SDK2: variants seen among roughly 807,000 people sequenced by gnomAD.
The protein encoded by SDK2 is protein sidekick-2.
Under a neutral mutation model 253.9 loss-of-function variants are expected in SDK2, and 105 were observed. The observed-to-expected ratio is 0.41, with a 90% CI of 0.35 to 0.49. The LOEUF (loss-of-function observed/expected upper bound fraction) is 0.49, where lower values mean the gene tolerates loss of function less well. SDK2 is among the 20% of genes least tolerant of loss of function. SDK2 has a pLI of 0.06. For missense variants in SDK2, 2,608 were observed against 3,003.0 expected (o/e 0.87, Z 3.07); for synonymous variants, 1,249 against 1,234.9 (o/e 1.01, Z -0.24).
chr17:73,380,970 GGGCGGGGGCGCAGA>G lies in SDK2; in HGVS notation c.4706-34_4706-21del. The G allele has an allele frequency of 7.9e-7, 1 of 1,271,242 alleles. No homozygotes were observed. Among genetic ancestry groups the G allele is most frequent in the Non-Finnish European group, 1.1e-6 (1 of 890,888 alleles). The allele number at this position is 1,271,242 out of a possible 1,614,324, so 78.7% of individuals were successfully genotyped here. A position where few individuals can be genotyped will look rare whatever the true frequency, so the allele number is the denominator to read the frequency against. ...ACATGGCTATGGGGTGGGGGTGCCG[GGGCGGGGGCGCAGA>G]GGGAGACAGCAGACAGAGGAGGTTA... On this transcript the variant is annotated intron_variant, in intron 33 of 44. Coordinates refer to ENST00000392650, the MANE Select transcript of SDK2 (RefSeq NM_001144952.2).
At chr17:73,557,770 T>G (rs2045167355) in intron 1 of SDK2, among the ~76,000 whole-genome samples, 1 of 152,164 alleles carries the variant, frequency 6.6e-6, no homozygotes, top group Non-Finnish European at 1.5e-5. Flanking sequence ...GAACCCAAAG[T>G]GTCAAAGCCC....
chr17:73,460,144 C>T (rs35858002), intron 3 of SDK2, among the ~76,000 whole-genome samples: 55,859 of 152,028 alleles, frequency 0.37, 10,563 homozygotes, highest in East Asian at 0.6. Context: ...GTCATCGAAA[C>T]GATACAGCTG....
At position 73,395,922 on chromosome 17, in the gene SDK2, C is replaced by CT. The variant is rs371190241; in HGVS notation, c.3355-531dup. Among the ~76,000 whole-genome samples, 4,778 of 144,418 alleles carry CT rather than the reference C, an allele frequency of 0.033. 245 individuals carry two copies. Among genetic ancestry groups the CT allele is most frequent in the African/African-American group, 0.12 (4,431 of 38,366 alleles). The allele number at this position is 144,418 out of a possible 152,430, so 94.7% of individuals were successfully genotyped here. A position where few individuals can be genotyped will look rare whatever the true frequency, so the allele number is the denominator to read the frequency against. On this transcript the variant is annotated intron_variant, in intron 24 of 44. Transcript: ENST00000392650. The surrounding 1 kb of genome is among the most constrained non-coding windows in gnomAD (Gnocchi z 4.3). ...GCATTTTCAGCCTCCTTTTTCTTTT[C>CT]TTTTTTTTTTTTAAGACAGGGTCTG...
chr17:73,404,773 G>C (rs74393201), intron 18 of SDK2, among the ~76,000 whole-genome samples: 7,130 of 152,254 alleles, frequency 0.047, 237 homozygotes, highest in East Asian at 0.093. Flanking sequence ...GGGCTCCCCT[G>C]AGAAGGCTCG....
rs556859617 is a variant in SDK2, at chr17:73,526,653, GTGCATATGTGTGTGTT to G, written c.65-19072_65-19057del. Among the ~76,000 whole-genome samples, 1,492 of 152,126 alleles carry G rather than the reference GTGCATATGTGTGTGTT, an allele frequency of 9.8e-3. 12 individuals carry two copies. Among genetic ancestry groups the G allele is most frequent in the Non-Finnish European group, 0.016 (1,077 of 67,980 alleles). On this transcript the variant is annotated intron_variant, in intron 1 of 44. Coordinates refer to ENST00000392650, the MANE Select transcript of SDK2 (RefSeq NM_001144952.2). ...TAGGTGTGTGTGTGCATGTGTATGT[GTGCATATGTGTGTGTT>G]TGCATATGTGTGTGTTTGTGTGCAT... is the stretch of plus-strand genomic sequence containing the variant.
intron 2 of SDK2, among the ~76,000 whole-genome samples, chr17:73,483,101 C>T (rs555880802): frequency 5.3e-5 from 8 of 152,098 alleles, no homozygotes; most frequent in East Asian, 1.9e-4. Context: ...CGCCCTGACC[C>T]GTCCTGGGGC....
intron 29 of SDK2, 147 bp from the exon 30 acceptor site, chr17:73,388,184 C>T (rs574574996): frequency 3.1e-6 from 2 of 638,340 alleles, no homozygotes; most frequent in South Asian, 3.7e-5. Flanking sequence ...AGGATCCTTG[C>T]AGGTTCTCAC....
chr17:73,348,394 G>A lies in SDK2; in HGVS notation c.6165+205C>T, dbSNP rs2062503141. Among the ~76,000 whole-genome samples, 2 of 152,216 alleles carry A rather than the reference G, an allele frequency of 1.3e-5. 1 individual carries two copies. Among genetic ancestry groups the A allele is most frequent in the South Asian group, 4.1e-4 (2 of 4,834 alleles). ...GTACCCCCTATGATCAAGGTTCCCG[G>A]GACCCCATTGGCACTGGCCGCAAAC... On this transcript the variant is annotated intron_variant, in intron 44 of 44. Coordinates refer to ENST00000392650, the MANE Select transcript of SDK2 (RefSeq NM_001144952.2).
intron 1 of SDK2, among the ~76,000 whole-genome samples, chr17:73,525,495 T>C (rs1567822998): frequency 6.6e-6 from 1 of 152,076 alleles, no homozygotes. Context: ...AAAAGCCCCA[T>C]GTGAGATTGT....
chr17:73,434,321 G>A (rs796227582), intron 9 of SDK2, among the ~76,000 whole-genome samples: 5 of 152,378 alleles, frequency 3.3e-5, no homozygotes, highest in African/African-American at 1.2e-4. Context: ...TAGGGTTGGG[G>A]CAGCCTCCTG....
rs2046413248 is a variant in SDK2, at chr17:73,642,737, AAAT to A, written c.64+1285_64+1287del. Among the ~76,000 whole-genome samples, 1 of 152,240 alleles carries A rather than the reference AAAT, an allele frequency of 6.6e-6. No individual in the cohort carries two copies. The highest frequency in any genetic ancestry group is 1.5e-5 in the Non-Finnish European group (1 of 68,044). On this transcript the variant is annotated intron_variant, in intron 1 of 44. Coordinates refer to ENST00000392650, the MANE Select transcript of SDK2 (RefSeq NM_001144952.2). The surrounding 1 kb of genome is among the most constrained non-coding windows in gnomAD (Gnocchi z 4.7). ...TTCAAAGATTTTATGATGATCATAA[AAAT>A]AATAACTTTTATTACCCTACATTTA...
rs1354881439 is a variant in SDK2, at chr17:73,395,677, A to G, written c.3355-285T>C. ...CCTGCCAAGGGAGTCAGGAGCCACAAAGGCTGTGTGTCTGACACACCGATA... is the reference window on the plus strand; with the variant it reads ...CCTGCCAAGGGAGTCAGGAGCCACAGAGGCTGTGTGTCTGACACACCGATA... On this transcript the variant is annotated intron_variant, in intron 24 of 44. Transcript: ENST00000392650. The surrounding 1 kb of genome is among the most constrained non-coding windows in gnomAD (Gnocchi z 4.3). Among the ~76,000 whole-genome samples the G allele has an allele frequency of 6.6e-6, 1 of 152,172 alleles. No individual in the cohort carries two copies. Among genetic ancestry groups the G allele is most frequent in the Non-Finnish European group, 1.5e-5 (1 of 68,022 alleles).
chr17:73,362,582 G>T (rs976335876), intron 38 of SDK2, among the ~76,000 whole-genome samples: 3 of 151,954 alleles, frequency 2.0e-5, no homozygotes, highest in Non-Finnish European at 2.9e-5. Context: ...GTAGAGACAG[G>T]GTCTCATTAT....
chr17:73,391,428 G>GC lies in SDK2; in HGVS notation c.3997+11dup. On this transcript the variant is annotated intron_variant, in intron 28 of 44. Transcript: ENST00000392650. ...TTCCTGCAGCCGGGGCACGGGAAGGGCAAAGGCTTACCAAGAATGATGCCA... is the reference window on the plus strand; with the variant it reads ...TTCCTGCAGCCGGGGCACGGGAAGGGCCAAAGGCTTACCAAGAATGATGCCA... 1.5e-6 allele frequency: 2 copies of GC among 1,299,284 alleles called. No individual in the cohort carries two copies. The highest frequency in any genetic ancestry group is 9.9e-7 in the Non-Finnish European group (1 of 1,012,316). 80.5% of individuals were successfully genotyped at this position (1,299,284 alleles called of 1,614,324 possible).
At chr17:73,494,805 T>C (rs1460819930) in intron 2 of SDK2, among the ~76,000 whole-genome samples, 2 of 152,148 alleles carry the variant, frequency 1.3e-5, no homozygotes, top group Admixed American at 6.5e-5. Flanking sequence ...GAAGAACCTG[T>C]CCTAAAGCAG....
At position 73,361,463 on chromosome 17, in the gene SDK2, C is replaced by T. The variant is rs546709598; in HGVS notation, c.5467+221G>A. Among the ~76,000 whole-genome samples the T allele has an allele frequency of 2.0e-5, 3 of 152,228 alleles. No homozygotes were observed. The highest frequency in any genetic ancestry group is 7.2e-5 in the African/African-American group (3 of 41,536). ...AAGTGGGAGAGGAGGGGGCGCTGCT[C>T]CAGGGTTTGTGGCTTGAGGAACCTG... On this transcript the variant is annotated intron_variant, in intron 39 of 44. Transcript: ENST00000392650. This position sits in a 1 kb window ranked among gnomAD's most constrained non-coding sequence, Gnocchi z 4.1.
intron 1 of SDK2, among the ~76,000 whole-genome samples, chr17:73,602,593 G>C (rs1232866085): frequency 2.0e-5 from 3 of 151,526 alleles, no homozygotes; most frequent in Non-Finnish European, 4.4e-5. Context: ...AATAAAGTTG[G>C]ATGACATTTT....
intron 44 of SDK2, 78 bp downstream of exon 44, chr17:73,348,520 GC>G: frequency 1.3e-6 from 2 of 1,508,858 alleles, no homozygotes; most frequent in Non-Finnish European, 1.8e-6. Flanking sequence ...AAGGAAGAAA[GC>G]CCATCTACGT....
intron 1 of SDK2, among the ~76,000 whole-genome samples, chr17:73,627,534 G>A (rs1192726434): frequency 6.6e-6 from 1 of 152,200 alleles, no homozygotes; most frequent in Non-Finnish European, 1.5e-5. Flanking sequence ...AGACCCCAAG[G>A]GCATGAGGGA....
Sources: allele counts gnomAD v4.1 joint callset (sites outside exome capture counted in the v4.1 genomes callset), GRCh38; gene constraint gnomAD v4.1.1; non-coding constraint Gnocchi (gnomAD v3.1); transcripts MANE v1.5; gene names NCBI Gene and HGNC (gene_info 2026-07-23, HGNC 2026-07-21).